The following PPARGC1A variants were observed in gnomAD, a reference collection of about 807,000 sequenced individuals.
The protein encoded by PPARGC1A is PPARG coactivator 1 alpha, also known as peroxisome proliferator-activated receptor gamma coactivator 1-alpha.
In PPARGC1A, 25 loss-of-function variants were observed where a neutral mutation model predicts 88.7. The observed-to-expected ratio is 0.28, with a 90% CI of 0.21 to 0.39. The LOEUF is 0.39. Ranked by LOEUF, PPARGC1A falls within the 10% of genes least tolerant of loss-of-function variation. PPARGC1A has a pLI of 1.00. For synonymous variants in PPARGC1A, 363 were observed against 355.6 expected (o/e 1.02, Z -0.24); for missense variants, 880 against 968.7 (o/e 0.91, Z 1.22).
the PPARGC1A span, among the ~76,000 whole-genome samples, chr4:24,437,338 G>A: frequency 2.0e-5 from 3 of 152,182 alleles, no homozygotes; most frequent in African/African-American, 7.2e-5. Context: ...GGGTGGTCAG[G>A]GAGGTGCTCT....
chr4:23,822,441 C>T (rs1302293171), intron 7 of PPARGC1A, among the ~76,000 whole-genome samples: 2 of 152,006 alleles, frequency 1.3e-5, no homozygotes, highest in Non-Finnish European at 2.9e-5. Context: ...GATAGTATTG[C>T]CTAAATATTT....
chr4:23,976,842 C>T, the PPARGC1A span, among the ~76,000 whole-genome samples: 6 of 152,254 alleles, frequency 3.9e-5, no homozygotes, highest in East Asian at 1.2e-3. Flanking sequence ...AAATAAATTT[C>T]TGCTGTTTAA....
chr4:24,297,239 G>T, the PPARGC1A span, among the ~76,000 whole-genome samples: 1 of 152,170 alleles, frequency 6.6e-6, no homozygotes, highest in Non-Finnish European at 1.5e-5. Context: ...TAGTACCAGT[G>T]AGGAAGTGAG....
chr4:24,258,402 TC>T, the PPARGC1A span, among the ~76,000 whole-genome samples: 14 of 152,240 alleles, frequency 9.2e-5, no homozygotes, highest in Middle Eastern at 3.4e-3. Context: ...ATTTTGGCCT[TC>T]CCCATCACAA....
the PPARGC1A span, among the ~76,000 whole-genome samples, chr4:24,396,560 T>C: frequency 6.6e-6 from 1 of 152,096 alleles, no homozygotes; most frequent in African/African-American, 2.4e-5. Context: ...CATCCTCTAA[T>C]AGATAGATGG....
At chr4:24,107,299 T>C in the PPARGC1A span, among the ~76,000 whole-genome samples, 1 of 152,236 alleles carries the variant, frequency 6.6e-6, no homozygotes, top group East Asian at 1.9e-4. Flanking sequence ...CATTCATTTG[T>C]TGAAGATTAT....
intron 1 of PPARGC1A, among the ~76,000 whole-genome samples, chr4:23,897,876 G>C (rs1368727010): frequency 6.6e-6 from 1 of 152,154 alleles, no homozygotes; most frequent in African/African-American, 2.4e-5. Context: ...ATTAATTCTG[G>C]AAAGTAGCAC....
chr4:23,813,618 T>C lies in PPARGC1A; in HGVS notation c.1793+72A>G, dbSNP rs536993488. The C allele has an allele frequency of 5.2e-5, 70 of 1,357,398 alleles. 1 individual carries two copies. In the Admixed American group the frequency reaches 1.6e-3, roughly 30 times the overall value. 84.1% of individuals were successfully genotyped at this position (1,357,398 alleles called of 1,614,324 possible). ...AGAATGGCTGCAGATTTCAAATTTTTATTTGTATTTTATTTTATTTTTTAC... is the reference window on the plus strand; with the variant it reads ...AGAATGGCTGCAGATTTCAAATTTTCATTTGTATTTTATTTTATTTTTTAC... On this transcript the variant is annotated intron_variant, in intron 8 of 12. Coordinates refer to ENST00000264867, the MANE Select transcript of PPARGC1A (RefSeq NM_013261.5).
the PPARGC1A span, among the ~76,000 whole-genome samples, chr4:24,131,884 T>C: frequency 2.0e-5 from 3 of 152,336 alleles, no homozygotes; most frequent in African/African-American, 4.8e-5. Flanking sequence ...AGCTCTGATA[T>C]GTGAATTACA....
At chr4:24,222,317 C>G in the PPARGC1A span, among the ~76,000 whole-genome samples, 1 of 152,186 alleles carries the variant, frequency 6.6e-6, no homozygotes, top group East Asian at 1.9e-4. Context: ...AAAACAGTCT[C>G]AAAGCCAGGA....
chr4:24,338,852 G>A, the PPARGC1A span, among the ~76,000 whole-genome samples: 1 of 151,316 alleles, frequency 6.6e-6, no homozygotes, highest in Admixed American at 6.6e-5. Context: ...CCTTCCATAA[G>A]AACCTCCAAT....
chr4:24,144,174 A>C, the PPARGC1A span, among the ~76,000 whole-genome samples: 8 of 152,334 alleles, frequency 5.3e-5, no homozygotes, highest in Non-Finnish European at 8.8e-5. Flanking sequence ...AAGTGTCTTC[A>C]CGGTTTAGTC....
At chr4:24,260,088 T>C in the PPARGC1A span, among the ~76,000 whole-genome samples, 1 of 152,216 alleles carries the variant, frequency 6.6e-6, no homozygotes, top group Non-Finnish European at 1.5e-5. Context: ...GTTCAGAAAC[T>C]AGGTGATAGG....
chr4:23,813,910 A>G lies in PPARGC1A; in HGVS notation c.1573T>C (p.Trp525Arg). Residue 525 changes from tryptophan (W) to arginine (R), a missense_variant, in exon 8 of 13, where the codon TGG becomes CGG. Physicochemically the swap from Trp to Arg is moderately radical, Grantham distance 101. Coordinates refer to ENST00000264867, the MANE Select transcript of PPARGC1A (RefSeq NM_013261.5). ...AATGAATAGGATTGCGTGCCATCCCAAGGGTAGCTCAGTTTATCACTTTCA... is the reference window on the plus strand; with the variant it reads ...AATGAATAGGATTGCGTGCCATCCCGAGGGTAGCTCAGTTTATCACTTTCA... Reference protein sequence around the residue: ...EDESDKLSYPWDGTQSYSLFN... With the variant: ...EDESDKLSYPRDGTQSYSLFN... 1 of 1,614,028 alleles carries G rather than the reference A, an allele frequency of 6.2e-7. No individual in the cohort carries two copies. Among genetic ancestry groups the G allele is most frequent in the Non-Finnish European group, 8.5e-7 (1 of 1,179,900 alleles).
At chr4:24,471,922 G>C in the PPARGC1A span, among the ~76,000 whole-genome samples, 1 of 152,194 alleles carries the variant, frequency 6.6e-6, no homozygotes, top group Non-Finnish European at 1.5e-5. This position sits in a 1 kb window ranked among gnomAD's most constrained non-coding sequence, Gnocchi z 5.4. Context: ...GGGAGTGGAG[G>C]GGGGACAGCA....
chr4:24,086,261 T>C, the PPARGC1A span, among the ~76,000 whole-genome samples: 3 of 152,170 alleles, frequency 2.0e-5, no homozygotes, highest in African/African-American at 7.2e-5. Context: ...TACCCACTTA[T>C]ATCTACTGCC....
At chr4:24,071,848 C>T in the PPARGC1A span, among the ~76,000 whole-genome samples, 2 of 152,114 alleles carry the variant, frequency 1.3e-5, no homozygotes, top group Non-Finnish European at 2.9e-5. Context: ...CGTGAATTCA[C>T]CTGGATCATG....
At chr4:24,135,729 G>A in the PPARGC1A span, among the ~76,000 whole-genome samples, 1 of 152,102 alleles carries the variant, frequency 6.6e-6, no homozygotes, top group South Asian at 2.1e-4. Flanking sequence ...GGCTAGAAGT[G>A]GTACAAGAGC....
the PPARGC1A span, among the ~76,000 whole-genome samples, chr4:24,148,935 T>C: frequency 6.6e-6 from 1 of 152,196 alleles, no homozygotes; most frequent in East Asian, 1.9e-4. Flanking sequence ...TGTAAACACA[T>C]GTGTTTGATT....
Sources: gnomAD v4.1 joint callset for allele counts (sites outside exome capture counted in the v4.1 genomes callset) on GRCh38, gnomAD v4.1.1 for gene constraint, Gnocchi (gnomAD v3.1) non-coding constraint, MANE v1.5 for transcripts, NCBI Gene and HGNC (gene_info 2026-07-23, HGNC 2026-07-21) for gene names.